The following GABRB1 variants were observed in gnomAD, a reference collection of about 807,000 sequenced individuals.
The protein encoded by GABRB1 is gamma-aminobutyric acid receptor subunit beta-1.
A neutral mutation model predicts 51.6 loss-of-function variants in GABRB1; 17 were observed. The ratio of observed to expected loss-of-function variants is 0.33; its 90% confidence interval spans 0.23 to 0.49. The LOEUF is 0.49. GABRB1 is among the 20% of genes least tolerant of loss of function. The pLI is 0.99. For missense variants in GABRB1, 410 were observed against 600.6 expected, an observed-to-expected ratio of 0.68 and a Z score of 3.32; for synonymous variants, 247 against 218.9, an observed-to-expected ratio of 1.13 and a Z score of -1.14.
chr4:47,077,994 A>ATACATAATATATATAT lies in GABRB1; in HGVS notation c.240+45512_240+45513insCATAATATATATATTA, dbSNP rs1166459272. On this transcript the variant is annotated intron_variant, in intron 3 of 8. Transcript: ENST00000295454. ...TTTTATATATAATATATAATATATA[A>ATACATAATATATATAT]TATATATATATTGGGAAGGAGTTTT... is the stretch of plus-strand genomic sequence containing the variant. Among the ~76,000 whole-genome samples the ATACATAATATATATAT allele has an allele frequency of 6.9e-3, 694 of 100,800 alleles. 12 individuals carry two copies. Among genetic ancestry groups the ATACATAATATATATAT allele is most frequent in the African/African-American group, 0.026 (658 of 25,326 alleles). The allele number at this position is 100,800 out of a possible 152,430, so 66.1% of individuals were successfully genotyped here. A position where few individuals can be genotyped will look rare whatever the true frequency, so the allele number is the denominator to read the frequency against.
chr4:47,175,510 G>A (rs1221213957), intron 4 of GABRB1, among the ~76,000 whole-genome samples: 2 of 152,066 alleles, frequency 1.3e-5, no homozygotes, highest in African/African-American at 4.8e-5. Flanking sequence ...TCTCCCTGAT[G>A]GCTTTGGCTT....
chr4:47,019,547 GTTTC>G (rs1724845765), intron 1 of GABRB1, among the ~76,000 whole-genome samples: 4 of 88,914 alleles, frequency 4.5e-5, no homozygotes, highest in South Asian at 6.7e-4. Context: ...AGCAGGTTTA[GTTTC>G]TCTCTCTCTC....
intron 5 of GABRB1, among the ~76,000 whole-genome samples, chr4:47,344,853 G>A (rs1031376276): frequency 6.6e-6 from 1 of 152,130 alleles, no homozygotes; most frequent in Admixed American, 6.5e-5. Flanking sequence ...CTCCCAAGTA[G>A]CTGGGACTAC....
chr4:47,223,731 T>C (rs961944494), intron 4 of GABRB1, among the ~76,000 whole-genome samples: 3 of 152,070 alleles, frequency 2.0e-5, no homozygotes, highest in African/African-American at 7.2e-5. Context: ...AAGATGATGA[T>C]TTTCCTGTTT....
chr4:47,108,499 A>C lies in GABRB1; in HGVS notation c.241-52750A>C, dbSNP rs1205048553. Among the ~76,000 whole-genome samples the C allele has an allele frequency of 3.9e-5, 6 of 152,142 alleles. No homozygotes were observed. In the East Asian group the frequency reaches 9.6e-4, roughly 24 times the overall value. On this transcript the variant is annotated intron_variant, in intron 3 of 8. Coordinates refer to ENST00000295454, the MANE Select transcript of GABRB1 (RefSeq NM_000812.4). ...ATTTCTTCTTTAATAAAAAAGCATA[A>C]ATTTCTGAATACAAATACCAAAGTT... is the stretch of plus-strand genomic sequence containing the variant.
chr4:47,102,790 C>T (rs1333601531), intron 3 of GABRB1, among the ~76,000 whole-genome samples: 1 of 151,900 alleles, frequency 6.6e-6, no homozygotes, highest in East Asian at 1.9e-4. Context: ...CAAATTGGTA[C>T]TTGAGCTACA....
At chr4:47,142,165 A>C (rs2109695662) in intron 3 of GABRB1, among the ~76,000 whole-genome samples, 1 of 152,042 alleles carries the variant, frequency 6.6e-6, no homozygotes, top group African/African-American at 2.4e-5. Flanking sequence ...TGTGGGATGA[A>C]GGAATTAATC....
chr4:47,322,374 T>G (rs1725115862), intron 5 of GABRB1, among the ~76,000 whole-genome samples: 1 of 152,206 alleles, frequency 6.6e-6, no homozygotes. Context: ...AATTCCTAGA[T>G]ACTTACCTAA....
At chr4:47,138,082 G>A (rs1046457134) in intron 3 of GABRB1, among the ~76,000 whole-genome samples, 2 of 152,036 alleles carry the variant, frequency 1.3e-5, no homozygotes, top group Non-Finnish European at 2.9e-5. Flanking sequence ...TGTGTGGATG[G>A]CAAGTTACAA....
intron 4 of GABRB1, among the ~76,000 whole-genome samples, chr4:47,269,219 C>A (rs1722759582): frequency 6.6e-6 from 1 of 152,112 alleles, no homozygotes; most frequent in African/African-American, 2.4e-5. Flanking sequence ...CTATTTAATT[C>A]TCAGAAGAAA....
chr4:47,148,723 T>C (rs1033138087), intron 3 of GABRB1, among the ~76,000 whole-genome samples: 7 of 151,590 alleles, frequency 4.6e-5, no homozygotes, highest in Non-Finnish European at 8.8e-5. Context: ...TGATGAACAA[T>C]TGATTTGTAT....
intron 3 of GABRB1, among the ~76,000 whole-genome samples, chr4:47,101,851 G>A (rs1319295786): frequency 1.3e-5 from 2 of 151,954 alleles, no homozygotes; most frequent in Non-Finnish European, 2.9e-5. Context: ...CCTTAGATAT[G>A]GCATGCTTAT....
intron 4 of GABRB1, among the ~76,000 whole-genome samples, chr4:47,289,102 A>G (rs1409396648): frequency 1.3e-5 from 2 of 152,038 alleles, no homozygotes; most frequent in Admixed American, 6.6e-5. Flanking sequence ...TATCAGCAAC[A>G]GAGGAATTTT....
intron 4 of GABRB1, among the ~76,000 whole-genome samples, chr4:47,258,673 A>T (rs1199991071): frequency 2.0e-5 from 3 of 152,194 alleles, no homozygotes; most frequent in Admixed American, 2.0e-4. Context: ...TCAATTTCCT[A>T]CCGAATTACA....
chr4:47,386,410 C>T (rs959254851), intron 5 of GABRB1, among the ~76,000 whole-genome samples: 3 of 152,178 alleles, frequency 2.0e-5, no homozygotes, highest in African/African-American at 7.2e-5. Flanking sequence ...AATGTAGAGG[C>T]TACAAGCTGT....
intron 5 of GABRB1, among the ~76,000 whole-genome samples, chr4:47,381,193 G>C (rs1025164051): frequency 2.0e-5 from 3 of 152,136 alleles, no homozygotes; most frequent in Non-Finnish European, 4.4e-5. Flanking sequence ...AAGGAAGAGA[G>C]TTTCTACCTA....
At chr4:47,276,094 A>G (rs534327175) in intron 4 of GABRB1, among the ~76,000 whole-genome samples, 8 of 152,166 alleles carry the variant, frequency 5.3e-5, no homozygotes, top group Non-Finnish European at 8.8e-5. Flanking sequence ...TGAGTTTTCA[A>G]TACTCGTACA....
chr4:47,100,640 T>C (rs1346516575), intron 3 of GABRB1, among the ~76,000 whole-genome samples: 2 of 152,002 alleles, frequency 1.3e-5, no homozygotes, highest in East Asian at 1.9e-4. Flanking sequence ...CTTTGCACTG[T>C]ACTTTTGCTA....
rs370647146 is a variant in GABRB1, at chr4:47,346,008, A to G, written c.544+25799A>G. 5.2e-4 allele frequency among the ~76,000 whole-genome samples: 79 copies of G among 151,350 alleles called. No homozygotes were observed. The South Asian group carries it at 0.016, about 31-fold the overall frequency. ...ATTACTCACTGTGTATTTTTTGCTT[A>G]TTCTTTGTTCTGTGGTATAAAGATA... On this transcript the variant is annotated intron_variant, in intron 5 of 8. Coordinates refer to ENST00000295454, the MANE Select transcript of GABRB1 (RefSeq NM_000812.4).
Sources: allele counts gnomAD v4.1 joint callset (sites outside exome capture counted in the v4.1 genomes callset), GRCh38; gene constraint gnomAD v4.1.1; transcripts MANE v1.5; gene names NCBI Gene and HGNC (gene_info 2026-07-23, HGNC 2026-07-21).